Variants in ZNF469 observed in about 807,000 individuals in gnomAD.
ZNF469 encodes the protein zinc finger protein 469.
Under a neutral mutation model 1.0 loss-of-function variants are expected in ZNF469, and 1 was observed. The observed-to-expected ratio is 1.00, with a 90% CI of 0.35 to 4.73. The LOEUF is 4.73. Among genes scored for constraint, ZNF469 ranks in the 30% most tolerant of loss-of-function variants. The pLI is 0.16. For missense variants in ZNF469, 6,100 were observed against 5,356.3 expected (o/e 1.14, Z -4.33); for synonymous variants, 2,703 against 2,363.4 (o/e 1.14, Z -4.17).
chr16:88,111,024 C>G, the ZNF469 span, among the ~76,000 whole-genome samples: 1 of 152,390 alleles, frequency 6.6e-6, no homozygotes, highest in Admixed American at 6.5e-5. Context: ...ACTCGTGGCG[C>G]TTGCAGTCAG....
At chr16:88,117,532 C>T in the ZNF469 span, among the ~76,000 whole-genome samples, 1 of 107,616 alleles carries the variant, frequency 9.3e-6, no homozygotes, top group Non-Finnish European at 1.9e-5. Flanking sequence ...GCCTCTGAGA[C>T]TCAGGCCAGT....
At chr16:88,263,124 T>C in the ZNF469 span, among the ~76,000 whole-genome samples, 19 of 152,216 alleles carry the variant, frequency 1.2e-4, no homozygotes, top group African/African-American at 4.1e-4. Flanking sequence ...TCTGAGTTCC[T>C]CTCTGTGAAG....
chr16:88,298,142 CT>C, the ZNF469 span, among the ~76,000 whole-genome samples: 1 of 152,216 alleles, frequency 6.6e-6, no homozygotes, highest in Non-Finnish European at 1.5e-5. Context: ...CCCCCACCCC[CT>C]GCCACAGCCC....
chr16:88,128,516 T>C, the ZNF469 span, among the ~76,000 whole-genome samples: 3 of 152,194 alleles, frequency 2.0e-5, no homozygotes, highest in Admixed American at 6.5e-5. Context: ...TACACTTTGC[T>C]TAGAGGGTGC....
the ZNF469 span, among the ~76,000 whole-genome samples, chr16:88,212,620 A>T: frequency 6.6e-6 from 1 of 151,996 alleles, no homozygotes; most frequent in Non-Finnish European, 1.5e-5. Flanking sequence ...TCACTCTGTC[A>T]CCCAGGCTGG....
chr16:88,379,438 A>T (rs1053791709), upstream of ZNF469, among the ~76,000 whole-genome samples: 2 of 152,122 alleles, frequency 1.3e-5, no homozygotes, highest in African/African-American at 4.8e-5. Context: ...GGAGGGGTGG[A>T]CGTGGCCCTC....
the ZNF469 span, among the ~76,000 whole-genome samples, chr16:88,272,936 G>A: frequency 3.3e-5 from 4 of 122,184 alleles, no homozygotes; most frequent in Non-Finnish European, 5.2e-5. Context: ...ACGAGTGGAC[G>A]GATGGATGAA....
the ZNF469 span, among the ~76,000 whole-genome samples, chr16:88,139,307 A>G: frequency 1.3e-5 from 2 of 152,080 alleles, no homozygotes; most frequent in Non-Finnish European, 2.9e-5. Flanking sequence ...ATTGCTGTGA[A>G]AAGTGGATCT....
the ZNF469 span, among the ~76,000 whole-genome samples, chr16:88,376,910 G>A: frequency 1.3e-5 from 2 of 152,224 alleles, no homozygotes; most frequent in Non-Finnish European, 2.9e-5. Context: ...CTCCCAGCGT[G>A]CCCCGAGGCC....
chr16:88,193,957 G>C, the ZNF469 span, among the ~76,000 whole-genome samples: 1 of 152,126 alleles, frequency 6.6e-6, no homozygotes, highest in Non-Finnish European at 1.5e-5. Flanking sequence ...CCTCTCGAAG[G>C]CCCCACTTCC....
At chr16:88,130,274 G>A in the ZNF469 span, among the ~76,000 whole-genome samples, 2 of 152,144 alleles carry the variant, frequency 1.3e-5, no homozygotes, top group African/African-American at 2.4e-5. Context: ...GAGAGGTCTC[G>A]CTGTATGCTC....
the ZNF469 span, among the ~76,000 whole-genome samples, chr16:88,296,737 A>C: frequency 6.7e-6 from 1 of 149,576 alleles, no homozygotes. Flanking sequence ...TGCTCCACCC[A>C]CACACACATA....
At chr16:88,305,504 ACAC>A in the ZNF469 span, among the ~76,000 whole-genome samples, 1 of 149,092 alleles carries the variant, frequency 6.7e-6, no homozygotes, top group African/African-American at 2.5e-5. Context: ...GCACACACGC[ACAC>A]CCTCACACAC....
chr16:88,125,148 G>T, the ZNF469 span, among the ~76,000 whole-genome samples: 4,352 of 152,200 alleles, frequency 0.029, 209 homozygotes, highest in African/African-American at 0.099. Context: ...TTTCCTCACA[G>T]AATTGCTTTA....
the ZNF469 span, among the ~76,000 whole-genome samples, chr16:88,129,325 G>A: frequency 3.9e-5 from 6 of 152,202 alleles, no homozygotes; most frequent in South Asian, 2.1e-4. Flanking sequence ...GGGGTCTGGC[G>A]GGCAGGAGGT....
chr16:88,384,584 G>A (rs951595046), intron 1 of ZNF469, among the ~76,000 whole-genome samples: 1 of 152,294 alleles, frequency 6.6e-6, no homozygotes, highest in East Asian at 1.9e-4. Context: ...AGCTCACCGG[G>A]AGGTGATCAT....
At chr16:88,347,395 T>A in the ZNF469 span, among the ~76,000 whole-genome samples, 1 of 151,928 alleles carries the variant, frequency 6.6e-6, no homozygotes, top group African/African-American at 2.4e-5. Flanking sequence ...AAAGGTGAGA[T>A]TTCCACTGAG....
chr16:88,217,261 C>T, the ZNF469 span, among the ~76,000 whole-genome samples: 2 of 152,048 alleles, frequency 1.3e-5, no homozygotes, highest in African/African-American at 4.8e-5. Context: ...AACTCCTCTC[C>T]TTAATCCAGC....
the ZNF469 span, among the ~76,000 whole-genome samples, chr16:88,261,368 C>A: frequency 6.6e-6 from 1 of 152,162 alleles, no homozygotes; most frequent in African/African-American, 2.4e-5. The surrounding 1 kb of genome is among the most constrained non-coding windows in gnomAD (Gnocchi z 6.0). Flanking sequence ...CTGGGGGAGG[C>A]TTGTGGTCCA....
Sources: gnomAD v4.1 joint callset for allele counts (sites outside exome capture counted in the v4.1 genomes callset) on GRCh38, gnomAD v4.1.1 for gene constraint, Gnocchi (gnomAD v3.1) non-coding constraint, MANE v1.5 for transcripts, NCBI Gene and HGNC (gene_info 2026-07-23, HGNC 2026-07-21) for gene names.